Variants in ARPP21 observed in about 807,000 individuals in gnomAD.
The protein encoded by ARPP21 is cAMP regulated phosphoprotein 21, also known as cAMP-regulated phosphoprotein 21.
A neutral mutation model predicts 113.2 loss-of-function variants in ARPP21; 69 were observed. That is an observed-to-expected ratio of 0.61 (90% confidence interval 0.50 to 0.74). ARPP21 has a LOEUF of 0.74. Among genes scored for constraint, ARPP21 ranks in the 30% least tolerant of loss-of-function variants. The probability of loss-of-function intolerance (pLI) is 0.00; values close to 1 mark genes in which losing one functional copy is unlikely to be tolerated. For missense variants in ARPP21, 1,070 were observed against 1,037.4 expected (o/e 1.03, Z -0.43); for synonymous variants, 368 against 375.5 (o/e 0.98, Z 0.23).
At chr3:35,707,866 C>G (rs2089769675) in intron 10 of ARPP21, among the ~76,000 whole-genome samples, 1 of 151,720 alleles carries the variant, frequency 6.6e-6, no homozygotes, top group South Asian at 2.1e-4. Context: ...AAAAAAAATT[C>G]CATAAATTTT....
At chr3:35,777,237 A>G (rs1036653400) in intron 19 of ARPP21, among the ~76,000 whole-genome samples, 1 of 152,204 alleles carries the variant, frequency 6.6e-6, no homozygotes, top group Non-Finnish European at 1.5e-5. Context: ...AGCACCATTT[A>G]GTGGAAACTA....
rs1290516112 is a variant in ARPP21, at chr3:35,699,866, G to A, written c.687-7108G>A. On this transcript the variant is annotated intron_variant, in intron 9 of 20. Transcript: ENST00000684406. ...AAAAACACAACAATTATATTCAACA[G>A]TTTCCAAAGAAAACATCACTTTCAG... Among the ~76,000 whole-genome samples the A allele has an allele frequency of 1.2e-4, 18 of 151,574 alleles. No homozygotes were observed. In the Admixed American group the frequency reaches 1.2e-3, roughly 10 times the overall value.
intron 19 of ARPP21, among the ~76,000 whole-genome samples, chr3:35,779,917 A>C (rs1277133842): frequency 6.6e-6 from 1 of 152,092 alleles, no homozygotes; most frequent in Admixed American, 6.6e-5. Context: ...CCATGCCAAA[A>C]TCAAGAAGTA....
intron 14 of ARPP21, among the ~76,000 whole-genome samples, chr3:35,724,390 G>A (rs1576323927): frequency 6.6e-6 from 1 of 152,168 alleles, no homozygotes; most frequent in South Asian, 2.1e-4. Flanking sequence ...CATTGGCCTA[G>A]CTATACTGTC....
At chr3:35,763,450 G>A (rs906350972) in intron 19 of ARPP21, among the ~76,000 whole-genome samples, 1 of 152,154 alleles carries the variant, frequency 6.6e-6, no homozygotes, top group South Asian at 2.1e-4. Flanking sequence ...ACATTCAACT[G>A]TCTCTCATTG....
intron 18 of ARPP21, among the ~76,000 whole-genome samples, chr3:35,739,895 G>A (rs7621392): frequency 0.11 from 15,993 of 152,126 alleles, 850 homozygotes; most frequent in Non-Finnish European, 0.12. Context: ...GGATTGCCTA[G>A]GAAGGAAAAG....
chr3:35,669,003 CT>C (rs1459642242), intron 1 of ARPP21, among the ~76,000 whole-genome samples: 1 of 152,038 alleles, frequency 6.6e-6, no homozygotes, highest in Non-Finnish European at 1.5e-5. Flanking sequence ...TAAATGACCC[CT>C]TTTGTTTTCA....
intron 15 of ARPP21, among the ~76,000 whole-genome samples, chr3:35,735,227 C>A (rs1019598591): frequency 2.0e-5 from 3 of 152,136 alleles, no homozygotes; most frequent in Non-Finnish European, 2.9e-5. Context: ...CAGTGATCCT[C>A]CCACCTCAGC....
chr3:35,711,614 A>G (rs920098078), intron 11 of ARPP21, among the ~76,000 whole-genome samples: 3 of 152,214 alleles, frequency 2.0e-5, no homozygotes, highest in Admixed American at 2.0e-4. Context: ...ATTCTAGCTC[A>G]GAGTCTTACA....
intron 10 of ARPP21, chr3:35,707,581 C>A: frequency 4.4e-6 from 2 of 455,438 alleles, no homozygotes; most frequent in South Asian, 3.1e-5. Context: ...TAAAATAAGT[C>A]TTCAGAGAAA....
intron 10 of ARPP21, chr3:35,707,511 G>T (rs770705123): frequency 4.4e-6 from 2 of 459,596 alleles, no homozygotes; most frequent in South Asian, 3.1e-5. Flanking sequence ...ATGATCAACC[G>T]GTGTAGCTGT....
intron 19 of ARPP21, among the ~76,000 whole-genome samples, chr3:35,763,085 G>A (rs2095840552): frequency 1.3e-5 from 2 of 152,042 alleles, no homozygotes; most frequent in Admixed American, 1.3e-4. Flanking sequence ...GTTAAACATG[G>A]GGAACCACTA....
chr3:35,748,114 A>AAAGAAAG (rs1559838057), intron 19 of ARPP21, among the ~76,000 whole-genome samples: 2,719 of 90,270 alleles, frequency 0.03, 83 homozygotes, highest in African/African-American at 0.041. Context: ...AAGAAAGAAG[A>AAAGAAAG]AAGAAAGAAA....
chr3:35,708,323 A>G (rs913638263), intron 10 of ARPP21, among the ~76,000 whole-genome samples: 15 of 152,184 alleles, frequency 9.9e-5, no homozygotes, highest in Non-Finnish European at 2.2e-4. Flanking sequence ...TTGAAGCATT[A>G]CTTTAGAGTT....
rs1231691744 is a variant in ARPP21 at position 35,729,353 on chromosome 3, C to A, written c.1276C>A (p.His426Asn). 6.2e-7 allele frequency: 1 copy of A among 1,614,162 alleles called. No homozygotes were observed. Among genetic ancestry groups the A allele is most frequent in the African/African-American group, 1.3e-5 (1 of 75,046 alleles). ...CTCCTCAGGATCGCTGTCCCGCACC[C>A]ATCCACCTCTCCAGAGCACACCCCT... ...AGSSGSLSRTHPPLQSTPLVS... is the reference protein window; with the variant it reads ...AGSSGSLSRTNPPLQSTPLVS... The change falls in exon 15 of 21, where the codon CAT becomes AAT. Residue 426 changes from histidine (H) to asparagine (N), a missense_variant. By Grantham distance (68) the His-to-Asn change is moderately conservative. Transcript: ENST00000684406.
chr3:35,784,296 C>G (rs2096585949), intron 19 of ARPP21, among the ~76,000 whole-genome samples: 1 of 152,206 alleles, frequency 6.6e-6, no homozygotes, highest in Admixed American at 6.5e-5. Flanking sequence ...TGCTGGCTCA[C>G]AAGAGCCAAA....
At chr3:35,679,245 G>A (rs2078251654) in intron 1 of ARPP21, among the ~76,000 whole-genome samples, 1 of 151,896 alleles carries the variant, frequency 6.6e-6, no homozygotes, top group African/African-American at 2.4e-5. Context: ...TCTCAGCCAT[G>A]CCATTATAAA....
In ARPP21 at chr3:35,696,459, A is replaced by G. The variant is rs116647835; in HGVS notation, c.686+5454A>G. Among the ~76,000 whole-genome samples, 563 of 151,600 alleles carry G rather than the reference A, an allele frequency of 3.7e-3. 2 individuals carry two copies. The highest frequency in any genetic ancestry group is 0.013 in the African/African-American group (543 of 41,448). ...CTCCAACTACACTTTTTGGTCTACAAATTGGGTCTTAATAGCTGGGACTCC... is the reference window on the plus strand; with the variant it reads ...CTCCAACTACACTTTTTGGTCTACAGATTGGGTCTTAATAGCTGGGACTCC... On this transcript the variant is annotated intron_variant, in intron 9 of 20. Transcript: ENST00000684406.
rs770963201 is a variant in ARPP21 at position 35,739,481 on chromosome 3, A to T, written c.1914A>T (p.Thr638=). ...CCTCTACAGGCCAGCAGCTTCCTAC[A>T]GGAGGATTCTCAGGCTCTGGCCCTC... ...VIASTGQQLP[T]GGFSGSGPPI... Residue 638 remains threonine (T), a synonymous_variant, in exon 18 of 21, where the codon ACA becomes ACT. Coordinates refer to ENST00000684406, the MANE Select transcript of ARPP21 (RefSeq NM_001385562.1). The T allele has an allele frequency of 1.9e-6, 3 of 1,614,118 alleles. No individual in the cohort carries two copies. Among genetic ancestry groups the T allele is most frequent in the Non-Finnish European group, 2.5e-6 (3 of 1,180,012 alleles).
Sources: allele counts gnomAD v4.1 joint callset (sites outside exome capture counted in the v4.1 genomes callset), GRCh38; gene constraint gnomAD v4.1.1; transcripts MANE v1.5; gene names NCBI Gene and HGNC (gene_info 2026-07-23, HGNC 2026-07-21).